The following ZHX3 variants were observed in gnomAD, a reference collection of about 807,000 sequenced individuals.
The protein encoded by ZHX3 is zinc fingers and homeoboxes protein 3.
Under a neutral mutation model 64.5 loss-of-function variants are expected in ZHX3, and 20 were observed. That is an observed-to-expected ratio of 0.31 (90% CI 0.22 to 0.45). The LOEUF is 0.45. Ranked by LOEUF, ZHX3 falls within the 20% of genes least tolerant of loss-of-function variation. The probability of loss-of-function intolerance (pLI) is 1.00; values close to 1 mark genes in which losing one functional copy is unlikely to be tolerated. For synonymous variants in ZHX3, 423 were observed against 461.6 expected (o/e 0.92, Z 1.07); for missense variants, 1,041 against 1,195.8 (o/e 0.87, Z 1.91).
In ZHX3 at chr20:41,181,517, A is replaced by C. The variant is rs1021977499; in HGVS notation, c.*3674T>G. 4 of 152,166 alleles carry C rather than the reference A, an allele frequency of 2.6e-5. No individual in the cohort carries two copies. The highest frequency in any genetic ancestry group is 9.7e-5 in the African/African-American group (4 of 41,436). The allele number at this position is 152,166 out of a possible 1,614,324, so 9.4% of individuals were successfully genotyped here. A position where few individuals can be genotyped will look rare whatever the true frequency, so the allele number is the denominator to read the frequency against. On this transcript the variant is annotated 3_prime_UTR_variant, in exon 4 of 4. Coordinates refer to ENST00000683867, the MANE Select transcript of ZHX3 (RefSeq NM_001384317.1). ...ATATCTGAACTGAAAAAGCTGCACC[A>C]ATCTGAGGATATTGGTCCAAAAAGA...
intron 2 of ZHX3, among the ~76,000 whole-genome samples, chr20:41,236,183 A>G (rs1302987815): frequency 1.3e-5 from 2 of 152,252 alleles, no homozygotes; most frequent in Non-Finnish European, 2.9e-5. Flanking sequence ...TATCGTGATA[A>G]TGGCCATACT....
At chr20:41,258,906 T>A (rs534767018) in intron 2 of ZHX3, among the ~76,000 whole-genome samples, 3 of 152,214 alleles carry the variant, frequency 2.0e-5, no homozygotes, top group Non-Finnish European at 4.4e-5. Context: ...TCCAAGAGAT[T>A]AGTTGATATG....
rs1011943664 is a variant in ZHX3 at position 41,272,452 on chromosome 20, ATTACC to A, written c.-244-3374_-244-3370del. ...GTATCATGCAACCATCACATTTACC[ATTACC>A]TTACATTACTGATGAAATATTTTCA... On this transcript the variant is annotated intron_variant, in intron 1 of 3. Coordinates refer to ENST00000683867, the MANE Select transcript of ZHX3 (RefSeq NM_001384317.1). Among the ~76,000 whole-genome samples the A allele has an allele frequency of 6.6e-5, 10 of 152,316 alleles. No homozygotes were observed. In the South Asian group the frequency reaches 1.0e-3, roughly 16 times the overall value.
In ZHX3 at chr20:41,268,821, C is replaced by A. The variant is rs2042989382; in HGVS notation, c.-151+169G>T. 2.0e-5 allele frequency among the ~76,000 whole-genome samples: 3 copies of A among 152,210 alleles called. No homozygotes were observed. The South Asian group carries it at 6.2e-4, about 32-fold the overall frequency. ...TTAATCCAAAAAAGAATCATTTGAT[C>A]AAAGACTTCAGCAATAAAAAACAAG... On this transcript the variant is annotated intron_variant, in intron 2 of 3. Coordinates refer to ENST00000683867, the MANE Select transcript of ZHX3 (RefSeq NM_001384317.1).
intron 1 of ZHX3, among the ~76,000 whole-genome samples, chr20:41,313,752 C>T (rs1329818669): frequency 3.3e-5 from 5 of 152,164 alleles, no homozygotes; most frequent in East Asian, 1.9e-4. Context: ...CGCCCGCCAA[C>T]ACACCTGGCT....
intron 2 of ZHX3, among the ~76,000 whole-genome samples, chr20:41,227,180 T>C (rs2040322181): frequency 6.6e-6 from 1 of 152,154 alleles, no homozygotes; most frequent in African/African-American, 2.4e-5. Context: ...TTTCACATTA[T>C]TGTCCTGGGG....
At chr20:41,199,347 G>T (rs79529251) in intron 3 of ZHX3, among the ~76,000 whole-genome samples, 10,784 of 152,126 alleles carry the variant, frequency 0.071, 413 homozygotes, top group Middle Eastern at 0.17. Flanking sequence ...GTATTACATT[G>T]TGGTAACTGA....
chr20:41,234,415 T>C (rs2040826413), intron 2 of ZHX3, among the ~76,000 whole-genome samples: 1 of 152,238 alleles, frequency 6.6e-6, no homozygotes, highest in Admixed American at 6.5e-5. Flanking sequence ...TTGTTCCTCC[T>C]CAGAAGCCAT....
chr20:41,312,558 A>C (rs1373947298), intron 1 of ZHX3, among the ~76,000 whole-genome samples: 2 of 152,210 alleles, frequency 1.3e-5, no homozygotes, highest in Non-Finnish European at 2.9e-5. Flanking sequence ...AATTTTAGTG[A>C]AGTGCAAGCA....
At chr20:41,253,727 A>G (rs1415032766) in intron 2 of ZHX3, among the ~76,000 whole-genome samples, 1 of 152,172 alleles carries the variant, frequency 6.6e-6, no homozygotes, top group Non-Finnish European at 1.5e-5. Context: ...CTTACTTCCA[A>G]AGAAAAAACC....
chr20:41,271,079 G>A (rs184348568), intron 1 of ZHX3, among the ~76,000 whole-genome samples: 233 of 152,260 alleles, frequency 1.5e-3, no homozygotes, highest in African/African-American at 5.3e-3. Context: ...GGAGTGCAGC[G>A]GCACTATCTC....
At chr20:41,287,544 T>C (rs899661494) in intron 1 of ZHX3, among the ~76,000 whole-genome samples, 5 of 152,314 alleles carry the variant, frequency 3.3e-5, no homozygotes, top group African/African-American at 1.2e-4. Context: ...TTAAGTCATA[T>C]AAAGACCATG....
chr20:41,279,541 T>C (rs2043565336), intron 1 of ZHX3, among the ~76,000 whole-genome samples: 1 of 152,172 alleles, frequency 6.6e-6, no homozygotes, highest in Admixed American at 6.5e-5. Context: ...CCAAAAAGTA[T>C]TTGAGGACTT....
At chr20:41,186,755 C>A (rs553928133) in intron 3 of ZHX3, among the ~76,000 whole-genome samples, 70 of 152,294 alleles carry the variant, frequency 4.6e-4, no homozygotes, top group Admixed American at 2.3e-3. Flanking sequence ...TTCGTCTTTT[C>A]ATGTACTTAT....
Position 41,204,092 on chromosome 20 carries a change from C to A in ZHX3, c.825G>T (p.Gln275His). The A allele has an allele frequency of 1.2e-6, 2 of 1,608,422 alleles. No homozygotes were observed. The highest frequency in any genetic ancestry group is 1.1e-5 in the South Asian group (1 of 90,064). Residue 275 changes from glutamine (Q) to histidine (H), a missense_variant, in exon 3 of 4, where the codon CAG becomes CAT. Coordinates refer to ENST00000683867, the MANE Select transcript of ZHX3 (RefSeq NM_001384317.1). This position sits in a 1 kb window ranked among gnomAD's most constrained non-coding sequence, Gnocchi z 6.6. ...PAGIAQFLSL[Q>H]QQPPVHAQHH... ...GTTGGGCATGCACTGGGGGCTGCTG[C>A]TGGAGGGAGAGGAACTGTGCTATGC...
rs547618695 is a variant in ZHX3 at position 41,248,402 on chromosome 20, T to G, written c.-151+20588A>C. On this transcript the variant is annotated intron_variant, in intron 2 of 3. Transcript: ENST00000683867. The stretch of plus-strand genomic sequence containing the variant: ...CAACACTCAGCTTTGCACAGAGCAG[T>G]TACTTGGGAAATGTTTGCATTGCTG... Among the ~76,000 whole-genome samples, 47 of 152,252 alleles carry G rather than the reference T, an allele frequency of 3.1e-4. 1 individual carries two copies. Among genetic ancestry groups the G allele is most frequent in the South Asian group, 1.0e-3 (5 of 4,816 alleles).
chr20:41,314,931 A>T (rs780776052), intron 1 of ZHX3, among the ~76,000 whole-genome samples: 2 of 152,234 alleles, frequency 1.3e-5, no homozygotes, highest in Admixed American at 6.5e-5. Context: ...CGGTGAAAAA[A>T]AAGTCTCACA....
chr20:41,310,409 C>G (rs577829972), intron 1 of ZHX3, among the ~76,000 whole-genome samples: 1 of 152,148 alleles, frequency 6.6e-6, no homozygotes, highest in Admixed American at 6.5e-5. Flanking sequence ...TGATAACCAC[C>G]ACCAGACTTG....
At chr20:41,293,926 T>C (rs2044373986) in intron 1 of ZHX3, among the ~76,000 whole-genome samples, 1 of 152,228 alleles carries the variant, frequency 6.6e-6, no homozygotes, top group Non-Finnish European at 1.5e-5. Context: ...CTGATGTTTC[T>C]TGCCTAATGG....
Sources: gnomAD v4.1 joint callset for allele counts (sites outside exome capture counted in the v4.1 genomes callset) on GRCh38, gnomAD v4.1.1 for gene constraint, Gnocchi (gnomAD v3.1) non-coding constraint, MANE v1.5 for transcripts, NCBI Gene and HGNC (gene_info 2026-07-23, HGNC 2026-07-21) for gene names.